The following CDH9 variants were observed in gnomAD, a reference collection of about 807,000 sequenced individuals.
The protein encoded by CDH9 is cadherin-9.
In CDH9, 28 loss-of-function variants were observed where a neutral mutation model predicts 70.9. That is an observed-to-expected ratio of 0.40 (90% CI 0.29 to 0.54). The LOEUF (loss-of-function observed/expected upper bound fraction) is 0.54. CDH9 is among the 20% of genes least tolerant of loss of function. The probability of loss-of-function intolerance (pLI) is 0.59; values close to 1 mark genes in which losing one functional copy is unlikely to be tolerated. For synonymous variants in CDH9, 409 were observed against 343.1 expected (o/e 1.19, Z -2.12); for missense variants, 874 against 984.4 (o/e 0.89, Z 1.50).
intron 2 of CDH9, among the ~76,000 whole-genome samples, chr5:26,959,663 T>A (rs2112058561): frequency 6.6e-6 from 1 of 152,220 alleles, no homozygotes; most frequent in Non-Finnish European, 1.5e-5. Flanking sequence ...AATGGAATAT[T>A]ACTCAACCTT....
chr5:26,897,682 G>A (rs995084307), intron 7 of CDH9, among the ~76,000 whole-genome samples: 2 of 152,034 alleles, frequency 1.3e-5, no homozygotes, highest in Non-Finnish European at 2.9e-5. Context: ...AATAGTAAGA[G>A]TTATTTATGA....
At chr5:26,887,323 T>C (rs1379536111) in intron 9 of CDH9, among the ~76,000 whole-genome samples, 11 of 151,762 alleles carry the variant, frequency 7.2e-5, no homozygotes, top group African/African-American at 2.7e-4. Context: ...AAAAAGTTGG[T>C]CTTTTAGTTA....
chr5:27,036,612 A>T (rs140734329), intron 1 of CDH9, among the ~76,000 whole-genome samples: 139 of 152,066 alleles, frequency 9.1e-4, no homozygotes, highest in Middle Eastern at 3.4e-3. Flanking sequence ...GTACTACCAA[A>T]TCTGTCTGAC....
At chr5:26,934,032 A>C (rs914170078) in intron 2 of CDH9, among the ~76,000 whole-genome samples, 1 of 152,134 alleles carries the variant, frequency 6.6e-6, no homozygotes, top group Non-Finnish European at 1.5e-5. Context: ...CAGCATCTGC[A>C]TCTGATGAGA....
At chr5:27,002,488 C>G (rs577689929) in intron 1 of CDH9, among the ~76,000 whole-genome samples, 4 of 152,086 alleles carry the variant, frequency 2.6e-5, no homozygotes, top group African/African-American at 9.7e-5. Context: ...TATTGTGGCA[C>G]TATTCACAAT....
intron 9 of CDH9, among the ~76,000 whole-genome samples, chr5:26,887,006 T>C (rs189691106): frequency 6.6e-6 from 1 of 152,188 alleles, no homozygotes; most frequent in African/African-American, 2.4e-5. Context: ...AAATTCACAA[T>C]AGTTTAAGCT....
intron 1 of CDH9, among the ~76,000 whole-genome samples, chr5:27,009,963 G>A (rs554093677): frequency 2.0e-5 from 3 of 152,118 alleles, no homozygotes; most frequent in South Asian, 2.1e-4. Context: ...CAGCTTTAAC[G>A]TGAGGCATTT....
At chr5:26,897,639 C>T (rs1268088933) in intron 7 of CDH9, among the ~76,000 whole-genome samples, 1 of 152,070 alleles carries the variant, frequency 6.6e-6, no homozygotes, top group East Asian at 1.9e-4. Flanking sequence ...TATAAACTTT[C>T]AATAAACTAG....
intron 5 of CDH9, among the ~76,000 whole-genome samples, chr5:26,904,307 ATCTTTT>A (rs1445212006): frequency 2.0e-5 from 3 of 151,776 alleles, no homozygotes; most frequent in Non-Finnish European, 4.4e-5. Flanking sequence ...TAGTTTTAAT[ATCTTTT>A]AGTGGGGCAT....
At chr5:26,971,861 G>C (rs1197075908) in intron 2 of CDH9, among the ~76,000 whole-genome samples, 1 of 152,042 alleles carries the variant, frequency 6.6e-6, no homozygotes, top group Non-Finnish European at 1.5e-5. Context: ...CTGACCGGCA[G>C]GTGAGAAAAT....
chr5:26,988,017 T>A (rs887435387), intron 2 of CDH9, 89 bp downstream of exon 2: 1 of 839,908 alleles, frequency 1.2e-6, no homozygotes, highest in Non-Finnish European at 1.9e-6. Context: ...AAATATTTTT[T>A]AATAATCACT....
intron 1 of CDH9, among the ~76,000 whole-genome samples, chr5:26,999,049 A>T (rs1157271929): frequency 6.6e-6 from 1 of 152,076 alleles, no homozygotes; most frequent in Non-Finnish European, 1.5e-5. Context: ...GATCGAGACC[A>T]TCCTGGCCAA....
intron 2 of CDH9, among the ~76,000 whole-genome samples, chr5:26,977,025 A>G (rs1742312518): frequency 6.6e-6 from 1 of 152,082 alleles, no homozygotes; most frequent in African/African-American, 2.4e-5. Context: ...TAATATAATC[A>G]TAGTATTATT....
At chr5:26,913,292 A>G (rs553452533) in intron 3 of CDH9, among the ~76,000 whole-genome samples, 1 of 152,236 alleles carries the variant, frequency 6.6e-6, no homozygotes, top group South Asian at 2.1e-4. Flanking sequence ...ATAATATATT[A>G]TACATTTATA....
intron 7 of CDH9, among the ~76,000 whole-genome samples, chr5:26,898,229 G>C (rs775510516): frequency 1.3e-5 from 2 of 152,094 alleles, no homozygotes; most frequent in African/African-American, 4.8e-5. Context: ...AATCAGTATC[G>C]TGAAAATGGC....
At chr5:26,945,489 G>A (rs1741736754) in intron 2 of CDH9, among the ~76,000 whole-genome samples, 2 of 151,906 alleles carry the variant, frequency 1.3e-5, no homozygotes, top group Admixed American at 1.3e-4. Flanking sequence ...ATTGCTTTAT[G>A]TTTATAAATA....
At chr5:27,021,692 T>G (rs1489622621) in intron 1 of CDH9, among the ~76,000 whole-genome samples, 1 of 151,970 alleles carries the variant, frequency 6.6e-6, no homozygotes, top group Non-Finnish European at 1.5e-5. Flanking sequence ...CCAACACAGC[T>G]GCTCTTCATG....
intron 2 of CDH9, among the ~76,000 whole-genome samples, chr5:26,943,554 C>T (rs888638106): frequency 1.3e-5 from 2 of 151,350 alleles, no homozygotes; most frequent in Admixed American, 1.3e-4. Context: ...TCATGAGGCT[C>T]CAGAGGGCAA....
At chr5:26,929,987 A>G (rs1257499889) in intron 2 of CDH9, among the ~76,000 whole-genome samples, 2 of 152,122 alleles carry the variant, frequency 1.3e-5, no homozygotes, top group East Asian at 1.9e-4. Flanking sequence ...TAACTAAAAG[A>G]GTATAATTGG....
Sources: gnomAD v4.1 joint callset for allele counts (sites outside exome capture counted in the v4.1 genomes callset) on GRCh38, gnomAD v4.1.1 for gene constraint, MANE v1.5 for transcripts, NCBI Gene and HGNC (gene_info 2026-07-23, HGNC 2026-07-21) for gene names.